The following SFMBT1 variants were observed in gnomAD, a reference collection of about 807,000 sequenced individuals.
SFMBT1 encodes Scm like with four mbt domains 1, also known as scm-like with four MBT domains protein 1.
In SFMBT1, 32 loss-of-function variants were observed where a neutral mutation model predicts 108.7. The observed-to-expected ratio is 0.29, with a 90% CI of 0.22 to 0.40. SFMBT1 has a LOEUF of 0.40. Ranked by LOEUF, SFMBT1 falls within the 10% of genes least tolerant of loss-of-function variation. SFMBT1 has a pLI of 1.00. For missense variants in SFMBT1, 816 were observed against 1,059.6 expected (o/e 0.77, Z 3.19); for synonymous variants, 348 against 369.5 (o/e 0.94, Z 0.67).
At chr3:52,954,713 A>T (rs995980329) in intron 2 of SFMBT1, among the ~76,000 whole-genome samples, 4 of 152,200 alleles carry the variant, frequency 2.6e-5, no homozygotes, top group Admixed American at 2.6e-4. Flanking sequence ...AGTATAAACC[A>T]TTACTATCAC....
intron 1 of SFMBT1, among the ~76,000 whole-genome samples, chr3:53,012,331 A>G (rs970327667): frequency 6.6e-6 from 1 of 152,146 alleles, no homozygotes; most frequent in African/African-American, 2.4e-5. Context: ...GTAGGCATTT[A>G]AGTCGCTGCG....
chr3:53,021,497 CA>C (rs1277986335), intron 1 of SFMBT1, among the ~76,000 whole-genome samples: 1 of 152,126 alleles, frequency 6.6e-6, no homozygotes, highest in Non-Finnish European at 1.5e-5. Context: ...TCTATGAAGT[CA>C]AAAGACAACA....
chr3:52,924,497 C>T (rs953469407), intron 10 of SFMBT1, among the ~76,000 whole-genome samples: 3 of 151,868 alleles, frequency 2.0e-5, no homozygotes, highest in African/African-American at 7.3e-5. Context: ...CAAAAATTAG[C>T]CAGGCATGGT....
intron 16 of SFMBT1, among the ~76,000 whole-genome samples, chr3:52,911,777 T>C (rs1702219801): frequency 6.6e-6 from 1 of 152,202 alleles, no homozygotes; most frequent in Non-Finnish European, 1.5e-5. Context: ...CTCAGCTCAC[T>C]GCAACCTCCG....
At position 52,965,803 on chromosome 3, in the gene SFMBT1, G is replaced by A. The variant is rs1029948440; in HGVS notation, c.28+3298C>T. Among the ~76,000 whole-genome samples, 11 of 151,516 alleles carry A rather than the reference G, an allele frequency of 7.3e-5. No individual in the cohort carries two copies. In the East Asian group the frequency reaches 1.9e-3, roughly 27 times the overall value. ...GGGCAGATCACAAGGTCAGGAGATC[G>A]CGACCATCCTGGCTAACACGGTGAA... On this transcript the variant is annotated intron_variant, in intron 2 of 20. Transcript: ENST00000394752.
chr3:52,907,112 G>C lies in SFMBT1; in HGVS notation c.2288C>G (p.Thr763Ser). 1 of 1,614,128 alleles carries C rather than the reference G, an allele frequency of 6.2e-7. No individual in the cohort carries two copies. Residue 763 changes from threonine to serine, a missense_variant, in exon 19 of 21, where the codon ACC becomes AGC. Thr to Ser is a moderately conservative substitution (Grantham distance 58). This residue lies in a region of SFMBT1 where 177 missense variants were observed against 182.0 expected (regional missense o/e 0.97). Transcript: ENST00000394752. ...ATTTTCATCGTCAGAAAATGAAAAG[G>C]TGCGAAGCTCCCTTTTTCTCCTTTG... is the stretch of plus-strand genomic sequence containing the variant. ...DRQRRKRELR[T>S]FSFSDDENKP... is the part of the protein sequence containing the mutation.
chr3:52,952,174 C>T (rs910938824), intron 3 of SFMBT1, among the ~76,000 whole-genome samples: 20 of 151,982 alleles, frequency 1.3e-4, no homozygotes, highest in African/African-American at 3.4e-4. Flanking sequence ...CTGGCTAACA[C>T]GGTGAAACCC....
chr3:52,990,731 G>A (rs1025158580), intron 1 of SFMBT1, among the ~76,000 whole-genome samples: 21 of 152,008 alleles, frequency 1.4e-4, no homozygotes, highest in African/African-American at 5.1e-4. Flanking sequence ...GGAAGGAAAA[G>A]TTTTCTCAAC....
chr3:53,018,828 A>T (rs993458477), intron 1 of SFMBT1, among the ~76,000 whole-genome samples: 3 of 152,154 alleles, frequency 2.0e-5, no homozygotes, highest in Non-Finnish European at 2.9e-5. Context: ...AGGTACTGTG[A>T]CACTACTCTC....
intron 4 of SFMBT1, among the ~76,000 whole-genome samples, chr3:52,938,452 C>A (rs2581797): frequency 2.6e-5 from 4 of 151,834 alleles, no homozygotes; most frequent in Non-Finnish European, 5.9e-5. Flanking sequence ...CTACGGATTA[C>A]CTTTATATAA....
chr3:53,023,201 T>C (rs1699372960), intron 1 of SFMBT1, among the ~76,000 whole-genome samples: 1 of 152,182 alleles, frequency 6.6e-6, no homozygotes, highest in Admixed American at 6.5e-5. Flanking sequence ...TGATCCTTTA[T>C]GTGACAGAGA....
At chr3:52,916,558 A>G (rs1702362701) in intron 13 of SFMBT1, among the ~76,000 whole-genome samples, 1 of 151,816 alleles carries the variant, frequency 6.6e-6, no homozygotes. Flanking sequence ...AGTCCCAGCT[A>G]CTAAGGAGGC....
At chr3:52,918,632 TGA>T (rs1314649241) in intron 12 of SFMBT1, 106 bp from the exon 13 acceptor site, 1 of 573,854 alleles carries the variant, frequency 1.7e-6, no homozygotes, top group East Asian at 3.1e-5. Flanking sequence ...TGGTTCTGTG[TGA>T]GTGTGTGTGT....
chr3:52,927,642 CTA>C (rs1274020220), intron 9 of SFMBT1, among the ~76,000 whole-genome samples: 1 of 152,224 alleles, frequency 6.6e-6, no homozygotes, highest in Non-Finnish European at 1.5e-5. Context: ...GGATCAAAGA[CTA>C]TATTTTGCAA....
chr3:52,963,652 T>TA (rs1303869758), intron 2 of SFMBT1, among the ~76,000 whole-genome samples: 1 of 151,912 alleles, frequency 6.6e-6, no homozygotes, highest in Non-Finnish European at 1.5e-5. Context: ...AGGGTCTCCC[T>TA]ATGTTGCCCA....
intron 4 of SFMBT1, among the ~76,000 whole-genome samples, chr3:52,936,125 C>T (rs1033891471): frequency 2.0e-5 from 3 of 152,172 alleles, no homozygotes; most frequent in African/African-American, 7.2e-5. Flanking sequence ...GCTGTCTCTC[C>T]CTTTGTGACA....
intron 1 of SFMBT1, among the ~76,000 whole-genome samples, chr3:53,026,318 A>G (rs552034235): frequency 6.6e-6 from 1 of 152,302 alleles, no homozygotes; most frequent in African/African-American, 2.4e-5. Flanking sequence ...TCCCTTTCCT[A>G]GCATTCTACC....
chr3:52,943,660 C>CT, intron 3 of SFMBT1, 67 bp from the exon 4 acceptor site: 3 of 1,599,112 alleles, frequency 1.9e-6, no homozygotes, highest in Non-Finnish European at 2.6e-6. Context: ...GACCAATGTT[C>CT]TTTTTTAAGA....
chr3:52,982,743 A>AAAAAAAAAAAG (rs1704758230), intron 1 of SFMBT1, among the ~76,000 whole-genome samples: 1 of 150,746 alleles, frequency 6.6e-6, no homozygotes, highest in Non-Finnish European at 1.5e-5. Flanking sequence ...AAAAAAAAAA[A>AAAAAAAAAAAG]AAAAAAAAAA....
Sources: gnomAD v4.1 joint callset for allele counts (sites outside exome capture counted in the v4.1 genomes callset) on GRCh38, gnomAD v4.1.1 for gene constraint, gnomAD v4.1.1 regional missense constraint, MANE v1.5 for transcripts, NCBI Gene and HGNC (gene_info 2026-07-23, HGNC 2026-07-21) for gene names.